The following DACH1 variants were observed in gnomAD, a reference collection of about 807,000 sequenced individuals.
The protein encoded by DACH1 is dachshund family transcription factor 1.
DACH1 carries 12 observed loss-of-function variants against 54.2 expected under a neutral mutation model. The ratio of observed to expected loss-of-function variants is 0.22; its 90% CI spans 0.14 to 0.36. The LOEUF is 0.36. Ranked by LOEUF, DACH1 falls within the 10% of genes least tolerant of loss-of-function variation. The probability of loss-of-function intolerance (pLI) is 1.00; values close to 1 mark genes in which losing one functional copy is unlikely to be tolerated. For synonymous variants in DACH1, 386 were observed against 366.2 expected, an observed-to-expected ratio of 1.05 and a Z score of -0.62; for missense variants, 805 against 929.8, an observed-to-expected ratio of 0.87 and a Z score of 1.75.
chr13:71,486,599 G>GTA (rs914689405), intron 7 of DACH1, among the ~76,000 whole-genome samples: 5 of 151,888 alleles, frequency 3.3e-5, no homozygotes, highest in South Asian at 2.1e-4. Flanking sequence ...GTATGTGTGT[G>GTA]TATATATATA....
intron 3 of DACH1, among the ~76,000 whole-genome samples, chr13:71,597,389 T>C (rs1874171979): frequency 6.6e-6 from 1 of 152,148 alleles, no homozygotes; most frequent in Admixed American, 6.6e-5. Context: ...TTAAACATAA[T>C]AGAAATGAAA....
intron 3 of DACH1, among the ~76,000 whole-genome samples, chr13:71,598,654 A>G (rs530715358): frequency 3.9e-5 from 6 of 152,332 alleles, no homozygotes; most frequent in African/African-American, 1.4e-4. Flanking sequence ...ATAATGCCCA[A>G]TTGGGCCATG....
At chr13:71,692,600 G>T (rs1318177333) in intron 1 of DACH1, among the ~76,000 whole-genome samples, 1 of 120,418 alleles carries the variant, frequency 8.3e-6, no homozygotes, top group African/African-American at 3.2e-5. Flanking sequence ...TTGGCTCACC[G>T]CAACCTCTGC....
intron 1 of DACH1, among the ~76,000 whole-genome samples, chr13:71,864,802 T>C (rs1874607822): frequency 6.7e-6 from 1 of 149,744 alleles, no homozygotes; most frequent in South Asian, 2.1e-4. Flanking sequence ...AAAACTGGTC[T>C]GGCTGGGGAC....
chr13:71,472,264 T>C lies in DACH1; in HGVS notation c.2083+2877A>G, dbSNP rs554911463. Reference sequence around the variant, plus strand: ...GAGCTGATTTACTTCATTAAGAAAATGCAAGTAAATTATTTAGGGCTTCTT... The same window carrying C: ...GAGCTGATTTACTTCATTAAGAAAACGCAAGTAAATTATTTAGGGCTTCTT... On this transcript the variant is annotated intron_variant, in intron 10 of 10. Coordinates refer to ENST00000613252, the MANE Select transcript of DACH1 (RefSeq NM_080759.6). Among the ~76,000 whole-genome samples the C allele has an allele frequency of 2.2e-3, 342 of 152,298 alleles. 2 individuals are homozygous for C. The highest frequency in any genetic ancestry group is 7.9e-3 in the African/African-American group (327 of 41,574).
At chr13:71,786,311 C>T (rs1348938399) in intron 1 of DACH1, among the ~76,000 whole-genome samples, 1 of 152,088 alleles carries the variant, frequency 6.6e-6, no homozygotes, top group African/African-American at 2.4e-5. Context: ...ATATTTAAGA[C>T]AGTTTGAAAT....
intron 6 of DACH1, among the ~76,000 whole-genome samples, chr13:71,546,666 C>T (rs896801155): frequency 6.6e-6 from 1 of 151,732 alleles, no homozygotes; most frequent in African/African-American, 2.4e-5. Flanking sequence ...ACTATCAAGG[C>T]TATAAAGATT....
At chr13:71,457,421 T>C (rs536440621) in intron 10 of DACH1, among the ~76,000 whole-genome samples, 1 of 152,108 alleles carries the variant, frequency 6.6e-6, no homozygotes, top group African/African-American at 2.4e-5. Context: ...TATCATTCAC[T>C]ATTCTAATTT....
chr13:71,716,664 T>G (rs895480153), intron 1 of DACH1, among the ~76,000 whole-genome samples: 11 of 152,098 alleles, frequency 7.2e-5, no homozygotes, highest in Non-Finnish European at 1.5e-4. Flanking sequence ...ACATAATAAT[T>G]TATGTATTAT....
chr13:71,633,189 T>TATGC (rs1877231866), intron 2 of DACH1, among the ~76,000 whole-genome samples: 1 of 152,176 alleles, frequency 6.6e-6, no homozygotes. Context: ...GAACCATGAC[T>TATGC]ATGCATGATA....
chr13:71,554,437 T>C (rs1884107290), intron 6 of DACH1, among the ~76,000 whole-genome samples: 2 of 152,196 alleles, frequency 1.3e-5, no homozygotes. Flanking sequence ...AAGGACTTTG[T>C]TCTTACAGCA....
At chr13:71,836,631 C>T (rs889279946) in intron 1 of DACH1, among the ~76,000 whole-genome samples, 6 of 151,938 alleles carry the variant, frequency 3.9e-5, no homozygotes, top group Non-Finnish European at 5.9e-5. Context: ...GAAACCAAAG[C>T]GAGAGAAAAT....
intron 3 of DACH1, among the ~76,000 whole-genome samples, chr13:71,626,596 T>C (rs1876662036): frequency 6.6e-6 from 1 of 151,998 alleles, no homozygotes; most frequent in Non-Finnish European, 1.5e-5. Context: ...TTTTCCTTCT[T>C]ATCTGCAATG....
chr13:71,784,691 C>T (rs570419828), intron 1 of DACH1, among the ~76,000 whole-genome samples: 6 of 152,106 alleles, frequency 3.9e-5, no homozygotes, highest in Non-Finnish European at 7.4e-5. Flanking sequence ...CAGACATGCT[C>T]ATTAGCCAAG....
chr13:71,447,811 G>GAAA (rs745823885), intron 10 of DACH1, among the ~76,000 whole-genome samples: 2 of 86,594 alleles, frequency 2.3e-5, no homozygotes, highest in Non-Finnish European at 2.4e-5. Context: ...CCAGCCTGGA[G>GAAA]AAAAAAAAAA....
chr13:71,856,542 A>C (rs923510761), intron 1 of DACH1, among the ~76,000 whole-genome samples: 2 of 152,006 alleles, frequency 1.3e-5, no homozygotes, highest in African/African-American at 2.4e-5. Flanking sequence ...AATGTGAAAT[A>C]CTTGTATTTA....
intron 1 of DACH1, among the ~76,000 whole-genome samples, chr13:71,726,804 A>C (rs1883490418): frequency 6.6e-6 from 1 of 152,078 alleles, no homozygotes; most frequent in Non-Finnish European, 1.5e-5. Context: ...TATCTAATAT[A>C]TCTCTTATTA....
intron 3 of DACH1, among the ~76,000 whole-genome samples, chr13:71,604,363 A>C (rs1327363792): frequency 2.0e-5 from 3 of 151,954 alleles, no homozygotes; most frequent in Non-Finnish European, 4.4e-5. Context: ...AAAAACAGAC[A>C]AGCTAAATTT....
chr13:71,778,246 G>A (rs775921532), intron 1 of DACH1, among the ~76,000 whole-genome samples: 4 of 151,818 alleles, frequency 2.6e-5, no homozygotes, highest in East Asian at 3.9e-4. Flanking sequence ...CAACTCAGTC[G>A]GTGATATTCA....
Sources: gnomAD v4.1 joint callset for allele counts (sites outside exome capture counted in the v4.1 genomes callset) on GRCh38, gnomAD v4.1.1 for gene constraint, MANE v1.5 for transcripts, NCBI Gene and HGNC (gene_info 2026-07-23, HGNC 2026-07-21) for gene names.